The following TAFA2 variants were observed in gnomAD, a reference collection of about 807,000 sequenced individuals.
TAFA2 encodes chemokine-like protein TAFA-2.
Under a neutral mutation model 18.8 loss-of-function variants are expected in TAFA2, and 7 were observed. The observed-to-expected ratio is 0.37, with a 90% confidence interval of 0.21 to 0.70. The LOEUF (loss-of-function observed/expected upper bound fraction) is 0.70, where lower values mean the gene tolerates loss of function less well. Ranked by LOEUF, TAFA2 falls within the 30% of genes least tolerant of loss-of-function variation. The probability of loss-of-function intolerance (pLI) is 0.53; values close to 1 mark genes in which losing one functional copy is unlikely to be tolerated. For synonymous variants in TAFA2, 60 were observed against 54.2 expected (o/e 1.11, Z -0.47); for missense variants, 122 against 158.1 (o/e 0.77, Z 1.23).
At chr12:61,850,433 C>T (rs2121158404) in intron 2 of TAFA2, among the ~76,000 whole-genome samples, 1 of 151,878 alleles carries the variant, frequency 6.6e-6, no homozygotes, top group Middle Eastern at 3.4e-3. Flanking sequence ...GTTATCTGTA[C>T]AGTATCCACT....
At chr12:62,013,550 C>T (rs1025865931) in intron 1 of TAFA2, among the ~76,000 whole-genome samples, 3 of 152,204 alleles carry the variant, frequency 2.0e-5, no homozygotes, top group Non-Finnish European at 2.9e-5. Flanking sequence ...ACATCATCAT[C>T]ACACAGCATG....
At chr12:61,903,874 A>G (rs1876224322) in intron 1 of TAFA2, among the ~76,000 whole-genome samples, 1 of 152,158 alleles carries the variant, frequency 6.6e-6, no homozygotes, top group African/African-American at 2.4e-5. Context: ...TTACAAAGTC[A>G]ATTGTAATTT....
chr12:61,767,434 T>C (rs1281471276), intron 2 of TAFA2, among the ~76,000 whole-genome samples: 4 of 152,158 alleles, frequency 2.6e-5, no homozygotes, highest in Admixed American at 2.0e-4. Context: ...CTGTTTCCTG[T>C]ATCTAATTTT....
chr12:61,818,984 C>T (rs1431401936), intron 2 of TAFA2, among the ~76,000 whole-genome samples: 2 of 152,120 alleles, frequency 1.3e-5, no homozygotes, highest in African/African-American at 4.8e-5. Context: ...TCCATTGTTG[C>T]ACATTACCTC....
At chr12:61,777,696 G>T (rs1009254872) in intron 2 of TAFA2, among the ~76,000 whole-genome samples, 1 of 151,024 alleles carries the variant, frequency 6.6e-6, no homozygotes. Context: ...TTAACCTCTC[G>T]GTGCCTTAAT....
intron 2 of TAFA2, among the ~76,000 whole-genome samples, chr12:61,769,944 G>A (rs1869954093): frequency 6.6e-6 from 1 of 151,998 alleles, no homozygotes; most frequent in Admixed American, 6.6e-5. Context: ...AGCTACTCAA[G>A]GAGGCACCAG....
At chr12:61,759,865 A>T (rs1239168739) in intron 2 of TAFA2, among the ~76,000 whole-genome samples, 2 of 152,044 alleles carry the variant, frequency 1.3e-5, no homozygotes. Flanking sequence ...TAAGTTTGGC[A>T]TGCCAGAGCT....
intron 1 of TAFA2, among the ~76,000 whole-genome samples, chr12:62,241,688 T>C (rs774511033): frequency 4.6e-5 from 7 of 152,156 alleles, no homozygotes; most frequent in Non-Finnish European, 8.8e-5. Flanking sequence ...TTTGGAAATA[T>C]TATAGCTAGC....
intron 2 of TAFA2, among the ~76,000 whole-genome samples, chr12:61,834,443 C>G (rs1872837322): frequency 6.6e-6 from 1 of 152,074 alleles, no homozygotes; most frequent in South Asian, 2.1e-4. Flanking sequence ...TAGCCTGACC[C>G]AGTGACTTTG....
intron 4 of TAFA2, among the ~76,000 whole-genome samples, chr12:61,710,692 T>C (rs1410110800): frequency 6.6e-6 from 1 of 152,064 alleles, no homozygotes; most frequent in African/African-American, 2.4e-5. Flanking sequence ...GTGACAACAA[T>C]ATCCCTCTCA....
At chr12:61,910,146 G>A (rs1876546647) in intron 1 of TAFA2, among the ~76,000 whole-genome samples, 1 of 149,934 alleles carries the variant, frequency 6.7e-6, no homozygotes, top group Non-Finnish European at 1.5e-5. Context: ...TTTGGGGGCT[G>A]CAGGTTATGC....
intron 2 of TAFA2, among the ~76,000 whole-genome samples, chr12:61,772,148 G>C (rs907541504): frequency 7.2e-5 from 11 of 151,778 alleles, no homozygotes; most frequent in African/African-American, 2.7e-4. Context: ...ATAAATTTCT[G>C]AAAATATGCA....
intron 4 of TAFA2, among the ~76,000 whole-genome samples, chr12:61,733,307 T>C (rs1565754634): frequency 1.3e-5 from 2 of 152,236 alleles, no homozygotes; most frequent in South Asian, 4.1e-4. Context: ...TTGCCTTTTG[T>C]TGCCATTGCT....
intron 2 of TAFA2, among the ~76,000 whole-genome samples, chr12:61,853,462 T>TA (rs58843559): frequency 0.054 from 8,198 of 152,076 alleles, 769 homozygotes; most frequent in African/African-American, 0.19. Flanking sequence ...GATGGCGGAT[T>TA]AAAAAAATGG....
intron 2 of TAFA2, among the ~76,000 whole-genome samples, chr12:61,806,584 C>T (rs114212969): frequency 0.026 from 4,009 of 152,100 alleles, 173 homozygotes; most frequent in African/African-American, 0.091. Context: ...GGTAACAGCA[C>T]GGGGTAGAAT....
chr12:62,174,274 C>T (rs1473166526), intron 1 of TAFA2, among the ~76,000 whole-genome samples: 1 of 152,016 alleles, frequency 6.6e-6, no homozygotes, highest in African/African-American at 2.4e-5. Context: ...TGGGATTGCA[C>T]CACTGCCCTC....
intron 1 of TAFA2, among the ~76,000 whole-genome samples, chr12:61,972,970 T>C (rs1879301973): frequency 6.6e-6 from 1 of 151,658 alleles, no homozygotes. Context: ...CCTACCTACA[T>C]ACCCTATTCA....
intron 1 of TAFA2, among the ~76,000 whole-genome samples, chr12:62,184,954 C>T (rs2062576343): frequency 6.6e-6 from 1 of 152,104 alleles, no homozygotes. Context: ...GCCACTGCAC[C>T]ACACTGGTTT....
chr12:62,243,332 T>G (rs2062871207), intron 1 of TAFA2, among the ~76,000 whole-genome samples: 1 of 152,214 alleles, frequency 6.6e-6, no homozygotes, highest in Non-Finnish European at 1.5e-5. Flanking sequence ...AAATTTGGCT[T>G]TAAGAACTGC....
Sources: allele counts gnomAD v4.1 joint callset (sites outside exome capture counted in the v4.1 genomes callset), GRCh38; gene constraint gnomAD v4.1.1; transcripts MANE v1.5; gene names NCBI Gene and HGNC (gene_info 2026-07-23, HGNC 2026-07-21).